The following RCAN1 variants were observed in gnomAD, a reference collection of about 807,000 sequenced individuals.
The protein encoded by RCAN1 is calcipressin-1.
In RCAN1, 11 loss-of-function variants were observed where a neutral mutation model predicts 22.9. That is an observed-to-expected ratio of 0.48 (90% confidence interval 0.30 to 0.79). The LOEUF (loss-of-function observed/expected upper bound fraction) is 0.79, where lower values mean the gene tolerates loss of function less well. RCAN1 is among the 30% of genes least tolerant of loss of function. The probability of loss-of-function intolerance (pLI) is 0.06; values close to 1 mark genes in which losing one functional copy is unlikely to be tolerated. For synonymous variants in RCAN1, 136 were observed against 142.3 expected (o/e 0.96, Z 0.32); for missense variants, 291 against 337.8 (o/e 0.86, Z 1.09).
intron 1 of RCAN1, among the ~76,000 whole-genome samples, chr21:34,610,651 C>A (rs991278232): frequency 6.6e-6 from 1 of 152,188 alleles, no homozygotes; most frequent in Non-Finnish European, 1.5e-5. Flanking sequence ...TTAGAATCAC[C>A]TGGGGAGCTT....
At chr21:34,576,800 A>T (rs1474246069) in intron 1 of RCAN1, among the ~76,000 whole-genome samples, 1 of 152,244 alleles carries the variant, frequency 6.6e-6, no homozygotes, top group Non-Finnish European at 1.5e-5. Flanking sequence ...ATCCAAAGAT[A>T]GCTAATGGAT....
chr21:34,563,234 T>G (rs1288279128), intron 1 of RCAN1, among the ~76,000 whole-genome samples: 1 of 152,178 alleles, frequency 6.6e-6, no homozygotes, highest in Non-Finnish European at 1.5e-5. Flanking sequence ...GGGGCCAATC[T>G]GACAGAATAT....
At chr21:34,587,867 TAGTGAACTCTG>T (rs1987850765) in intron 1 of RCAN1, among the ~76,000 whole-genome samples, 1 of 152,202 alleles carries the variant, frequency 6.6e-6, no homozygotes, top group South Asian at 2.1e-4. Flanking sequence ...ACATTTAGAT[TAGTGAACTCTG>T]AGTAAAGTAT....
At chr21:34,533,514 T>A (rs1217602278) in intron 1 of RCAN1, among the ~76,000 whole-genome samples, 2 of 152,222 alleles carry the variant, frequency 1.3e-5, no homozygotes, top group Non-Finnish European at 2.9e-5. Flanking sequence ...ACCTAAGCCT[T>A]CTGGTTCACA....
intron 1 of RCAN1, chr21:34,523,911 T>TAGC (rs1179275414): frequency 9.8e-6 from 4 of 406,410 alleles, no homozygotes; most frequent in African/African-American, 8.3e-5. Context: ...GCCTCCCGAG[T>TAGC]AGCTGGGGTT....
In RCAN1 at chr21:34,614,513, G is replaced by A. The variant is rs1049005544; in HGVS notation, c.252+247C>T. ...AGTCGCACCAGCCTGGGCGCACACGGGGGCCGGGGCGAGCCTGTGGGACTC... is the reference window on the plus strand; with the variant it reads ...AGTCGCACCAGCCTGGGCGCACACGAGGGCCGGGGCGAGCCTGTGGGACTC... On this transcript the variant is annotated intron_variant, in intron 1 of 3. Transcript: ENST00000313806. This position sits in a 1 kb window ranked among gnomAD's most constrained non-coding sequence, Gnocchi z 6.0. The A allele has an allele frequency of 2.9e-4, 301 of 1,045,626 alleles. No individual in the cohort carries two copies. Among genetic ancestry groups the A allele is most frequent in the Non-Finnish European group, 3.2e-4 (282 of 868,368 alleles). 64.8% of individuals were successfully genotyped at this position (1,045,626 alleles called of 1,614,324 possible).
rs142957942 is a variant in RCAN1, at chr21:34,543,332, G to A, written c.253-19622C>T. 4.9e-3 allele frequency among the ~76,000 whole-genome samples: 750 copies of A among 152,320 alleles called. 3 individuals are homozygous for A. Among genetic ancestry groups the A allele is most frequent in the African/African-American group, 0.017 (719 of 41,564 alleles). On this transcript the variant is annotated intron_variant, in intron 1 of 3. Transcript: ENST00000313806. ...GTGTCTTTATAAGCAGGATATGGCA[G>A]GGCTGGAGTCGGAGATGGAGACAGG...
intron 1 of RCAN1, among the ~76,000 whole-genome samples, chr21:34,540,814 G>T (rs1985880504): frequency 6.6e-6 from 1 of 151,938 alleles, no homozygotes; most frequent in Non-Finnish European, 1.5e-5. Flanking sequence ...GTGAAACCCT[G>T]TCTCTACTAA....
chr21:34,576,028 T>C (rs982872203), intron 1 of RCAN1, among the ~76,000 whole-genome samples: 6 of 152,146 alleles, frequency 3.9e-5, no homozygotes, highest in Non-Finnish European at 8.8e-5. Context: ...TGTGGAATTC[T>C]CCAAAACTGC....
chr21:34,526,460 AAT>A (rs1466761991), intron 1 of RCAN1, among the ~76,000 whole-genome samples: 38 of 152,174 alleles, frequency 2.5e-4, no homozygotes, highest in African/African-American at 8.4e-4. Context: ...GATGTTGTCA[AAT>A]ATTGAGATCT....
At chr21:34,543,230 C>T (rs1985996065) in intron 1 of RCAN1, among the ~76,000 whole-genome samples, 1 of 152,198 alleles carries the variant, frequency 6.6e-6, no homozygotes, top group Admixed American at 6.5e-5. Context: ...GAAGAAGGGA[C>T]TCTGCAGGTG....
chr21:34,565,670 T>TGGTTGGGTAGGCTATGTAGTG, intron 1 of RCAN1, among the ~76,000 whole-genome samples: 1 of 152,348 alleles, frequency 6.6e-6, no homozygotes, highest in African/African-American at 2.4e-5. Context: ...ATGGTGCCAC[T>TGGTTGGGTAGGCTATGTAGTG]ACATAGCCCC....
intron 1 of RCAN1, among the ~76,000 whole-genome samples, chr21:34,550,263 G>C (rs1568902505): frequency 6.6e-6 from 1 of 152,202 alleles, no homozygotes; most frequent in African/African-American, 2.4e-5. Flanking sequence ...GAACCATGAA[G>C]TAATCTCCAT....
intron 3 of RCAN1, 102 bp downstream of exon 3, chr21:34,521,397 T>C (rs1384175029): frequency 6.3e-7 from 1 of 1,590,764 alleles, no homozygotes; most frequent in Non-Finnish European, 8.5e-7. Flanking sequence ...CATGCCGGCA[T>C]GGGCTCAGGA....
intron 1 of RCAN1, among the ~76,000 whole-genome samples, chr21:34,596,072 C>T (rs758392108): frequency 2.0e-5 from 3 of 152,140 alleles, no homozygotes; most frequent in Non-Finnish European, 2.9e-5. Context: ...AGTGGACTCT[C>T]GGCACTTTCT....
intron 1 of RCAN1, among the ~76,000 whole-genome samples, chr21:34,566,417 T>C (rs1987009320): frequency 6.6e-6 from 1 of 152,196 alleles, no homozygotes; most frequent in East Asian, 1.9e-4. Context: ...TCCATTTTCC[T>C]TCCTTGAAAA....
chr21:34,528,910 T>A (rs1985224304), intron 1 of RCAN1, among the ~76,000 whole-genome samples: 1 of 151,544 alleles, frequency 6.6e-6, no homozygotes, highest in Non-Finnish European at 1.5e-5. Flanking sequence ...GAGACAACAG[T>A]GTGGGCTCAC....
intron 1 of RCAN1, among the ~76,000 whole-genome samples, chr21:34,600,271 A>G (rs1988288513): frequency 6.6e-6 from 1 of 152,194 alleles, no homozygotes; most frequent in African/African-American, 2.4e-5. Flanking sequence ...TCCCCAGCAT[A>G]TTCTAATGGA....
rs991863897 is a variant in RCAN1, at chr21:34,614,379, C to T, written c.252+381G>A. ...GTCGCCGCTCAATGTCTGTTTCCTC[C>T]TCCCTAGGAATGAGGTGACCCCCTC... On this transcript the variant is annotated intron_variant, in intron 1 of 3. Coordinates refer to ENST00000313806, the MANE Select transcript of RCAN1 (RefSeq NM_004414.7). This position sits in a 1 kb window ranked among gnomAD's most constrained non-coding sequence, Gnocchi z 6.0. 9.2e-5 allele frequency: 91 copies of T among 993,340 alleles called. No individual in the cohort carries two copies. The African/African-American group carries it at 1.5e-3, about 16-fold the overall frequency. The allele number at this position is 993,340 out of a possible 1,614,324, so 61.5% of individuals were successfully genotyped here. A position where few individuals can be genotyped will look rare whatever the true frequency, so the allele number is the denominator to read the frequency against.
Sources: allele counts gnomAD v4.1 joint callset (sites outside exome capture counted in the v4.1 genomes callset), GRCh38; gene constraint gnomAD v4.1.1; non-coding constraint Gnocchi (gnomAD v3.1); transcripts MANE v1.5; gene names NCBI Gene and HGNC (gene_info 2026-07-23, HGNC 2026-07-21).